The following MROH9 variants were observed in gnomAD, a reference collection of about 807,000 sequenced individuals.
MROH9 encodes the protein maestro heat like repeat family member 9, also known as maestro heat-like repeat-containing protein family member 9.
A neutral mutation model predicts 98.2 loss-of-function variants in MROH9; 92 were observed. The ratio of observed to expected loss-of-function variants is 0.94; its 90% CI spans 0.79 to 1.11. MROH9 has a LOEUF of 1.11. Ranked by LOEUF, MROH9 falls within the 50% of genes most tolerant of loss-of-function variation. The pLI is 0.00. For synonymous variants in MROH9, 397 were observed against 368.9 expected (o/e 1.08, Z -0.87); for missense variants, 1,057 against 1,014.8 (o/e 1.04, Z -0.57).
At chr1:170,954,675 T>C (rs61815211) in intron 3 of MROH9, among the ~76,000 whole-genome samples, 12,135 of 152,084 alleles carry the variant, frequency 0.08, 625 homozygotes, top group Non-Finnish European at 0.11. Flanking sequence ...CCAACTCTTA[T>C]TATCTTTCAT....
chr1:170,970,303 C>T (rs567383516), intron 7 of MROH9, among the ~76,000 whole-genome samples: 37 of 152,214 alleles, frequency 2.4e-4, no homozygotes, highest in African/African-American at 8.7e-4. Flanking sequence ...TACTACTCTT[C>T]TCTCATACCC....
At chr1:171,000,252 C>T (rs1244856075) in intron 15 of MROH9, among the ~76,000 whole-genome samples, 1 of 151,808 alleles carries the variant, frequency 6.6e-6, no homozygotes, top group Non-Finnish European at 1.5e-5. Context: ...TCATGAAATC[C>T]TTGTCTAAGC....
At chr1:170,989,831 T>A in intron 10 of MROH9, 24 bp from the exon 11 acceptor site, 1 of 1,580,232 alleles carries the variant, frequency 6.3e-7, no homozygotes, top group Non-Finnish European at 8.7e-7. Flanking sequence ...AGATTCTTGT[T>A]TACCTGTGGA....
chr1:171,017,646 A>G (rs142285852), intron 17 of MROH9, among the ~76,000 whole-genome samples: 1 of 152,014 alleles, frequency 6.6e-6, no homozygotes, highest in African/African-American at 2.4e-5. Flanking sequence ...CTAACACACT[A>G]AGCCCCCATG....
rs1650030181 is a variant in MROH9, at chr1:170,961,915, T to C, written c.314T>C (p.Ile105Thr). The C allele has an allele frequency of 6.6e-7, 1 of 1,524,426 alleles. No individual in the cohort carries two copies. Among genetic ancestry groups the C allele is most frequent in the Non-Finnish European group, 8.9e-7 (1 of 1,124,888 alleles). The allele number at this position is 1,524,426 out of a possible 1,614,324, so 94.4% of individuals were successfully genotyped here. A position where few individuals can be genotyped will look rare whatever the true frequency, so the allele number is the denominator to read the frequency against. ...AATTTATACCACAATATTTTAAATATATATGAGAACATTCTTACGAGCTTG... is the reference window on the plus strand; with the variant it reads ...AATTTATACCACAATATTTTAAATACATATGAGAACATTCTTACGAGCTTG... ...MENLYHNILN[I>T]YENILTSLVS... Residue 105 changes from isoleucine to threonine, a missense_variant, in exon 6 of 22, where the codon ATA (isoleucine) becomes ACA (threonine). Physicochemically the swap from Ile to Thr is moderately conservative, Grantham distance 89. Coordinates refer to ENST00000367759, the MANE Select transcript of MROH9 (RefSeq NM_001163629.2).
rs370866392 is a variant in MROH9, at chr1:171,005,587, T to C, written c.1596+7313T>C. Among the ~76,000 whole-genome samples, 19 of 152,350 alleles carry C rather than the reference T, an allele frequency of 1.2e-4. No homozygotes were observed. In the East Asian group the frequency reaches 3.5e-3, roughly 28 times the overall value. ...TCTTTTTCATATAGTTTATTGTTAG[T>C]GCATAGAAATGCAACTGACTTTTGT... On this transcript the variant is annotated intron_variant, in intron 15 of 21. Coordinates refer to ENST00000367759, the MANE Select transcript of MROH9 (RefSeq NM_001163629.2).
chr1:171,044,759 C>G (rs1653408599), intron 20 of MROH9, among the ~76,000 whole-genome samples: 1 of 151,844 alleles, frequency 6.6e-6, no homozygotes, highest in Admixed American at 6.6e-5. Context: ...TATAGTTGCT[C>G]ATACTAGCCA....
intron 6 of MROH9, among the ~76,000 whole-genome samples, chr1:170,962,247 G>A (rs904330787): frequency 1.3e-5 from 2 of 152,158 alleles, no homozygotes; most frequent in Non-Finnish European, 2.9e-5. Flanking sequence ...ACAGTTTGAA[G>A]TAGCAGAGAA....
At chr1:170,985,191 A>G (rs966546715) in intron 9 of MROH9, among the ~76,000 whole-genome samples, 6 of 152,206 alleles carry the variant, frequency 3.9e-5, no homozygotes, top group Non-Finnish European at 5.9e-5. Context: ...CACTCATGGG[A>G]ATTTATAGAA....
At chr1:171,035,085 G>C (rs1653051510) in intron 20 of MROH9, among the ~76,000 whole-genome samples, 1 of 151,832 alleles carries the variant, frequency 6.6e-6, no homozygotes, top group South Asian at 2.1e-4. Context: ...ACTTTTAGAA[G>C]AAAATGTAAG....
At chr1:171,002,207 TC>T (rs1199507199) in intron 15 of MROH9, among the ~76,000 whole-genome samples, 1 of 152,208 alleles carries the variant, frequency 6.6e-6, no homozygotes, top group Non-Finnish European at 1.5e-5. Flanking sequence ...CAGTTCTGTG[TC>T]TTTTAAGTGG....
intron 20 of MROH9, among the ~76,000 whole-genome samples, chr1:171,055,032 T>TAAA (rs375031261): frequency 8.2e-6 from 1 of 122,554 alleles, no homozygotes; most frequent in Non-Finnish European, 1.8e-5. Context: ...GAAGTCATTA[T>TAAA]AAAAAAAAAA....
chr1:170,936,522 A>T (rs899798061), intron 1 of MROH9, among the ~76,000 whole-genome samples: 1 of 152,210 alleles, frequency 6.6e-6, no homozygotes, highest in African/African-American at 2.4e-5. Flanking sequence ...CTCTTCTGGA[A>T]ATACCCTCAC....
rs539266547 is a variant in MROH9 at position 171,034,295 on chromosome 1, T to A, written c.2281+8875T>A. On this transcript the variant is annotated intron_variant, in intron 20 of 21. Transcript: ENST00000367759. ...AGAACTCAGGATGAAATCATCATCA[T>A]GAATTCTTCTTGAAGACATTATTAG... 3.3e-5 allele frequency among the ~76,000 whole-genome samples: 5 copies of A among 152,334 alleles called. No homozygotes were observed. The East Asian group carries it at 9.7e-4, about 29-fold the overall frequency.
At chr1:171,062,051 A>C in intron 20 of MROH9, 81 bp from the exon 21 acceptor site, 2 of 887,540 alleles carry the variant, frequency 2.3e-6, no homozygotes, top group South Asian at 3.1e-5. Flanking sequence ...TGAAAAAAGC[A>C]AAGAAGGTAG....
chr1:171,022,935 T>G (rs994472896), intron 17 of MROH9, among the ~76,000 whole-genome samples: 1 of 152,202 alleles, frequency 6.6e-6, no homozygotes, highest in Non-Finnish European at 1.5e-5. Flanking sequence ...GCCAAGGTCA[T>G]GTATGTGATA....
intron 1 of MROH9, among the ~76,000 whole-genome samples, chr1:170,937,462 CT>C (rs1378841801): frequency 6.6e-6 from 1 of 151,202 alleles, no homozygotes; most frequent in African/African-American, 2.4e-5. Flanking sequence ...AAAGGAAATA[CT>C]CATAATTATT....
intron 17 of MROH9, among the ~76,000 whole-genome samples, chr1:171,023,054 C>T (rs1400221677): frequency 1.3e-5 from 2 of 152,100 alleles, no homozygotes; most frequent in Non-Finnish European, 1.5e-5. Context: ...TGCAGTGGCT[C>T]ACGCCTGTAA....
chr1:171,012,849 T>G (rs1196763978), intron 15 of MROH9, among the ~76,000 whole-genome samples: 3 of 152,166 alleles, frequency 2.0e-5, no homozygotes, highest in Non-Finnish European at 4.4e-5. Context: ...CATATTTGAC[T>G]GTCAGTTATT....
Sources: gnomAD v4.1 joint callset for allele counts (sites outside exome capture counted in the v4.1 genomes callset) on GRCh38, gnomAD v4.1.1 for gene constraint, MANE v1.5 for transcripts, NCBI Gene and HGNC (gene_info 2026-07-23, HGNC 2026-07-21) for gene names.